MAP4K3: variants seen among roughly 807,000 people sequenced by gnomAD.
The protein encoded by MAP4K3 is mitogen-activated protein kinase kinase kinase kinase 3, also known as MAPK/ERK kinase kinase kinase 3.
Under a neutral mutation model 143.5 loss-of-function variants are expected in MAP4K3, and 94 were observed. The observed-to-expected ratio is 0.65, with a 90% CI of 0.55 to 0.78. The LOEUF (loss-of-function observed/expected upper bound fraction) is 0.78, where lower values mean the gene tolerates loss of function less well. Ranked by LOEUF, MAP4K3 falls within the 30% of genes least tolerant of loss-of-function variation. The pLI is 0.00. For synonymous variants in MAP4K3, 416 were observed against 347.2 expected (o/e 1.20, Z -2.20); for missense variants, 1,077 against 1,068.1 (o/e 1.01, Z -0.12).
intron 1 of MAP4K3, among the ~76,000 whole-genome samples, chr2:39,405,272 G>C (rs1257434977): frequency 6.6e-6 from 1 of 152,176 alleles, no homozygotes; most frequent in Non-Finnish European, 1.5e-5. Context: ...GAGAATAAGA[G>C]ACTGCCTATG....
chr2:39,287,353 G>A (rs1328132736), intron 20 of MAP4K3, among the ~76,000 whole-genome samples: 5 of 151,736 alleles, frequency 3.3e-5, no homozygotes, highest in African/African-American at 7.3e-5. Context: ...GAGTGCAATG[G>A]CGTGATCTTG....
intron 31 of MAP4K3, 40 bp from the exon 32 acceptor site, chr2:39,254,560 A>G (rs1680273456): frequency 1.3e-6 from 2 of 1,493,810 alleles, no homozygotes; most frequent in African/African-American, 1.4e-5. Context: ...TAATAGTACA[A>G]AAGTTCAACT....
intron 7 of MAP4K3, 48 bp from the exon 8 acceptor site, chr2:39,332,037 T>C (rs1182968297): frequency 8.2e-6 from 9 of 1,100,076 alleles, no homozygotes; most frequent in Non-Finnish European, 1.1e-5. Flanking sequence ...GAAAATAAAA[T>C]TGTTTAAGGC....
In MAP4K3 at chr2:39,288,139, G is replaced by T; in HGVS notation, c.1456C>A (p.His486Asn). ...CCATTACCTAAGGCAACAGGTTTGT[G>T]TGGGGGTAATCTGGGAGGTGGTGGT... Reference protein sequence around the residue: ...PRPPPPRLPPHKPVALGNGMS... With the variant: ...PRPPPPRLPPNKPVALGNGMS... Residue 486 changes from histidine to asparagine, a missense_variant, in exon 20 of 34, where the codon CAC (histidine) becomes AAC (asparagine). By Grantham distance (68) the His-to-Asn change is moderately conservative. Around this residue, in one of 2 missense-constraint regions of MAP4K3, gnomAD observed 864 missense variants for 801.2 expected, o/e 1.08. Coordinates refer to ENST00000263881, the MANE Select transcript of MAP4K3 (RefSeq NM_003618.4). 6.2e-7 allele frequency: 1 copy of T among 1,614,116 alleles called. No homozygotes were observed. The highest frequency in any genetic ancestry group is 8.5e-7 in the Non-Finnish European group (1 of 1,180,010).
At chr2:39,344,286 C>T (rs955450717) in intron 3 of MAP4K3, among the ~76,000 whole-genome samples, 4 of 152,130 alleles carry the variant, frequency 2.6e-5, no homozygotes, top group Admixed American at 6.5e-5. Flanking sequence ...ATATGGCCAG[C>T]GGACCAAATC....
chr2:39,391,910 C>T (rs914428098), intron 1 of MAP4K3, among the ~76,000 whole-genome samples: 2 of 152,116 alleles, frequency 1.3e-5, no homozygotes, highest in Middle Eastern at 3.4e-3. Context: ...GGGCCAGGCG[C>T]GGTGGCTCAC....
At position 39,250,040 on chromosome 2, in the gene MAP4K3, T is replaced by C. The variant is rs1271376746; in HGVS notation, c.*578A>G. On this transcript the variant is annotated 3_prime_UTR_variant, in exon 34 of 34. Coordinates refer to ENST00000263881, the MANE Select transcript of MAP4K3 (RefSeq NM_003618.4). ...CACATATCAATACTTTGTGCAAATA[T>C]AAACACCAGTGTACTTGCATTAAAA... 6.6e-6 allele frequency: 1 copy of C among 152,494 alleles called. No homozygotes were observed. Among genetic ancestry groups the C allele is most frequent in the Admixed American group, 6.5e-5 (1 of 15,272 alleles). 9.4% of individuals were successfully genotyped at this position (152,494 alleles called of 1,614,324 possible). A position where few individuals can be genotyped will look rare whatever the true frequency, so the allele number is the denominator to read the frequency against.
intron 26 of MAP4K3, among the ~76,000 whole-genome samples, chr2:39,268,005 T>C (rs1021555394): frequency 1.3e-5 from 2 of 152,180 alleles, no homozygotes; most frequent in Non-Finnish European, 2.9e-5. Flanking sequence ...TTTTAGTACA[T>C]GTAATACATT....
intron 1 of MAP4K3, among the ~76,000 whole-genome samples, chr2:39,398,744 A>AATAATAATAATAATAATG (rs1553424680): frequency 1.5e-5 from 2 of 130,170 alleles, no homozygotes; most frequent in African/African-American, 5.9e-5. Flanking sequence ...TAATAATAAT[A>AATAATAATAATAATAATG]ATGATGATGA....
intron 3 of MAP4K3, among the ~76,000 whole-genome samples, chr2:39,348,234 A>T (rs10865151): frequency 0.73 from 110,479 of 151,798 alleles, 44,432 homozygotes; most frequent in Non-Finnish European, 0.89. Flanking sequence ...ATATATTTCA[A>T]TATGACACTA....
At chr2:39,365,646 T>G (rs893173335) in intron 2 of MAP4K3, among the ~76,000 whole-genome samples, 2 of 150,828 alleles carry the variant, frequency 1.3e-5, no homozygotes, top group African/African-American at 4.9e-5. Flanking sequence ...GGGTTTCACC[T>G]TGTTAGCCAG....
chr2:39,271,204 T>A (rs1045956584), intron 26 of MAP4K3, among the ~76,000 whole-genome samples: 1 of 152,176 alleles, frequency 6.6e-6, no homozygotes, highest in African/African-American at 2.4e-5. Context: ...AATCATACCA[T>A]ATGGAAACTC....
intron 1 of MAP4K3, among the ~76,000 whole-genome samples, chr2:39,382,827 G>A (rs144816979): frequency 2.0e-5 from 3 of 152,264 alleles, no homozygotes; most frequent in African/African-American, 7.2e-5. Context: ...TTTAGAAAAT[G>A]TAACCACCAA....
chr2:39,426,238 G>GGT, intron 1 of MAP4K3, among the ~76,000 whole-genome samples: 2 of 152,046 alleles, frequency 1.3e-5, no homozygotes, highest in African/African-American at 4.8e-5. Flanking sequence ...CAAAATAAAT[G>GGT]ATGCGTACTA....
intron 32 of MAP4K3, among the ~76,000 whole-genome samples, chr2:39,253,407 C>T (rs779858672): frequency 2.7e-4 from 41 of 152,212 alleles, no homozygotes; most frequent in Non-Finnish European, 4.0e-4. Flanking sequence ...GCTGAGTGTA[C>T]AGGCGTGAGC....
chr2:39,375,672 A>C (rs1276159897), intron 2 of MAP4K3, among the ~76,000 whole-genome samples: 1 of 152,196 alleles, frequency 6.6e-6, no homozygotes, highest in African/African-American at 2.4e-5. Context: ...TGTATAATTC[A>C]ATGGTGCTTT....
intron 6 of MAP4K3, 68 bp downstream of exon 6, chr2:39,336,852 T>C: frequency 1.5e-6 from 1 of 661,314 alleles, no homozygotes; most frequent in Non-Finnish European, 2.4e-6. Context: ...ACAATTTTGC[T>C]CAAAACAATT....
At chr2:39,385,818 G>C (rs375219716) in intron 1 of MAP4K3, among the ~76,000 whole-genome samples, 1 of 151,782 alleles carries the variant, frequency 6.6e-6, no homozygotes, top group African/African-American at 2.4e-5. Context: ...TTTTAGTAGA[G>C]ATGAGGTTTC....
At chr2:39,403,021 A>G (rs950525724) in intron 1 of MAP4K3, among the ~76,000 whole-genome samples, 21 of 152,196 alleles carry the variant, frequency 1.4e-4, no homozygotes, top group African/African-American at 5.1e-4. Context: ...AAATAGCCCT[A>G]TATTTCTAAA....
Sources: gnomAD v4.1 joint callset for allele counts (sites outside exome capture counted in the v4.1 genomes callset) on GRCh38, gnomAD v4.1.1 for gene constraint, gnomAD v4.1.1 regional missense constraint, MANE v1.5 for transcripts, NCBI Gene and HGNC (gene_info 2026-07-23, HGNC 2026-07-21) for gene names.